The following FOCAD variants were observed in gnomAD, a reference collection of about 807,000 sequenced individuals.
FOCAD encodes KIAA1797.
A neutral mutation model predicts 225.6 loss-of-function variants in FOCAD; 198 were observed. The ratio of observed to expected loss-of-function variants is 0.88; its 90% CI spans 0.78 to 0.99. FOCAD has a LOEUF of 0.99. Ranked by LOEUF, FOCAD falls within the 50% of genes least tolerant of loss-of-function variation. The pLI, the probability that FOCAD is intolerant of heterozygous loss-of-function variation, is 0.00. For synonymous variants in FOCAD, 897 were observed against 755.0 expected, an observed-to-expected ratio of 1.19 and a Z score of -3.08; for missense variants, 2,713 against 2,123.6, an observed-to-expected ratio of 1.28 and a Z score of -5.46.
At chr9:20,971,584 C>T (rs2132544773) in intron 35 of FOCAD, among the ~76,000 whole-genome samples, 1 of 152,116 alleles carries the variant, frequency 6.6e-6, no homozygotes, top group South Asian at 2.1e-4. Context: ...AGATTACAGG[C>T]ATGCACCACC....
chr9:20,967,163 GTCTT>G (rs1326023397), intron 35 of FOCAD, among the ~76,000 whole-genome samples: 1 of 152,002 alleles, frequency 6.6e-6, no homozygotes, highest in Non-Finnish European at 1.5e-5. Flanking sequence ...AACACAAGAT[GTCTT>G]TCTATTTATT....
intron 21 of FOCAD, among the ~76,000 whole-genome samples, chr9:20,895,536 C>G (rs983315435): frequency 2.8e-4 from 43 of 151,756 alleles, no homozygotes; most frequent in African/African-American, 1.0e-3. Flanking sequence ...ATTATATACA[C>G]ACACATATAT....
intron 40 of FOCAD, among the ~76,000 whole-genome samples, chr9:20,987,398 C>T (rs1245255469): frequency 6.6e-6 from 1 of 151,940 alleles, no homozygotes; most frequent in Non-Finnish European, 1.5e-5. Flanking sequence ...GTCCCAGCTA[C>T]TCAGGAGGCT....
At chr9:20,887,383 C>A (rs1295133291) in intron 21 of FOCAD, among the ~76,000 whole-genome samples, 2 of 151,802 alleles carry the variant, frequency 1.3e-5, no homozygotes, top group Non-Finnish European at 2.9e-5. Context: ...TACAGGCATG[C>A]GCCACCACGC....
chr9:20,986,543 C>T, intron 40 of FOCAD, 78 bp downstream of exon 40: 1 of 1,327,726 alleles, frequency 7.5e-7, no homozygotes. Flanking sequence ...CTTGAGTTCT[C>T]AACTTAAAAA....
intron 23 of FOCAD, among the ~76,000 whole-genome samples, chr9:20,916,651 C>G (rs564127325): frequency 2.0e-5 from 3 of 152,296 alleles, no homozygotes; most frequent in Non-Finnish European, 4.4e-5. Context: ...ATCTGTACAT[C>G]CCCCCTCAGT....
At chr9:20,842,688 T>C (rs975483741) in intron 15 of FOCAD, among the ~76,000 whole-genome samples, 1 of 152,034 alleles carries the variant, frequency 6.6e-6, no homozygotes, top group African/African-American at 2.4e-5. Context: ...CACTGTCTTT[T>C]GATTGCAGAG....
intron 21 of FOCAD, among the ~76,000 whole-genome samples, chr9:20,900,314 G>A (rs981313677): frequency 8.6e-5 from 13 of 151,838 alleles, no homozygotes; most frequent in African/African-American, 3.1e-4. Context: ...ATTAGGTAAT[G>A]AGCTCTCTTT....
chr9:20,738,104 G>GTTTAT (rs1324246084), intron 4 of FOCAD, among the ~76,000 whole-genome samples: 2 of 152,166 alleles, frequency 1.3e-5, no homozygotes, highest in Non-Finnish European at 2.9e-5. Flanking sequence ...CAAAGAAGGA[G>GTTTAT]TTTATTTTAA....
chr9:20,821,103 T>A (rs762785634), intron 14 of FOCAD, 32 bp downstream of exon 14: 7 of 1,589,270 alleles, frequency 4.4e-6, no homozygotes, highest in Non-Finnish European at 6.0e-6. Flanking sequence ...GGAATGTATA[T>A]CATGATATAT....
intron 36 of FOCAD, among the ~76,000 whole-genome samples, chr9:20,977,083 C>A (rs937971393): frequency 6.6e-6 from 1 of 152,104 alleles, no homozygotes; most frequent in African/African-American, 2.4e-5. Flanking sequence ...TCTTTTCTAG[C>A]CTCTAGAAGC....
chr9:20,751,724 A>C (rs1185946502), intron 5 of FOCAD, among the ~76,000 whole-genome samples: 9 of 149,072 alleles, frequency 6.0e-5, no homozygotes, highest in Non-Finnish European at 7.5e-5. Context: ...ATCCCTGAGG[A>C]ATTGCCACAC....
chr9:20,826,503 T>C (rs924420180), intron 15 of FOCAD, among the ~76,000 whole-genome samples: 4 of 152,082 alleles, frequency 2.6e-5, no homozygotes, highest in African/African-American at 9.7e-5. Context: ...CAGACTGGCT[T>C]CCTTGCTCCT....
At chr9:20,947,389 C>A (rs1379656826) in intron 30 of FOCAD, among the ~76,000 whole-genome samples, 1 of 151,994 alleles carries the variant, frequency 6.6e-6, no homozygotes, top group Non-Finnish European at 1.5e-5. Flanking sequence ...ATGAAATAAA[C>A]AAATAACAAA....
At chr9:20,834,259 T>A (rs1825780859) in intron 15 of FOCAD, among the ~76,000 whole-genome samples, 1 of 151,250 alleles carries the variant, frequency 6.6e-6, no homozygotes, top group African/African-American at 2.4e-5. Flanking sequence ...TGAGAACATA[T>A]GGACACACAG....
chr9:20,741,476 T>A (rs1336058058), intron 5 of FOCAD, among the ~76,000 whole-genome samples: 3 of 152,176 alleles, frequency 2.0e-5, no homozygotes. Flanking sequence ...TTAAGGCATT[T>A]TTTTAAACAA....
intron 4 of FOCAD, among the ~76,000 whole-genome samples, chr9:20,725,067 G>A (rs920584830): frequency 4.6e-5 from 7 of 152,288 alleles, no homozygotes; most frequent in Non-Finnish European, 5.9e-5. Context: ...CAGCTACGCA[G>A]GAGGCTGAGG....
At chr9:20,940,933 C>T (rs7042192) in intron 28 of FOCAD, among the ~76,000 whole-genome samples, 50,920 of 151,720 alleles carry the variant, frequency 0.34, 8,921 homozygotes, top group East Asian at 0.43. Flanking sequence ...TATTTTTTTT[C>T]TGACATGCAA....
intron 6 of FOCAD, among the ~76,000 whole-genome samples, chr9:20,763,806 T>C (rs1180789646): frequency 2.0e-5 from 3 of 152,204 alleles, no homozygotes. Flanking sequence ...AGATACTGTT[T>C]AGGCTAGTTA....
Sources: allele counts gnomAD v4.1 joint callset (sites outside exome capture counted in the v4.1 genomes callset), GRCh38; gene constraint gnomAD v4.1.1; transcripts MANE v1.5; gene names NCBI Gene and HGNC (gene_info 2026-07-23, HGNC 2026-07-21).